DYSF: variants seen among roughly 807,000 people sequenced by gnomAD.
DYSF encodes dysferlin.
Under a neutral mutation model 274.9 loss-of-function variants are expected in DYSF, and 212 were observed. That is an observed-to-expected ratio of 0.77 (90% confidence interval 0.69 to 0.86). The LOEUF is 0.86. Among genes scored for constraint, DYSF ranks in the 40% least tolerant of loss-of-function variants. The pLI, the probability that DYSF is intolerant of heterozygous loss-of-function variation, is 0.00. For missense variants in DYSF, 2,666 were observed against 2,783.2 expected (o/e 0.96, Z 0.95); for synonymous variants, 1,091 against 1,078.7 (o/e 1.01, Z -0.22).
chr2:71,678,844 C>T (rs1022177707), intron 52 of DYSF, among the ~76,000 whole-genome samples: 1 of 151,938 alleles, frequency 6.6e-6, no homozygotes, highest in African/African-American at 2.4e-5. Context: ...TGCATATGAA[C>T]GCATGAGTAG....
intron 1 of DYSF, among the ~76,000 whole-genome samples, chr2:71,458,330 A>G (rs1459323562): frequency 6.6e-6 from 1 of 152,264 alleles, no homozygotes; most frequent in Non-Finnish European, 1.5e-5. Flanking sequence ...AAATAATTGT[A>G]CACATCCACA....
intron 45 of DYSF, among the ~76,000 whole-genome samples, 186 bp downstream of exon 45, chr2:71,660,837 C>T (rs1004616102): frequency 6.6e-6 from 1 of 152,138 alleles, no homozygotes; most frequent in Non-Finnish European, 1.5e-5. Flanking sequence ...AAGACTTGAT[C>T]CCAACAGAAG....
chr2:71,517,547 C>T (rs530936334), intron 10 of DYSF, among the ~76,000 whole-genome samples: 4 of 152,132 alleles, frequency 2.6e-5, no homozygotes, highest in South Asian at 2.1e-4. Context: ...ACCTGGTAAT[C>T]GGGGTGACCA....
chr2:71,508,393 G>A (rs184252371), intron 4 of DYSF, among the ~76,000 whole-genome samples: 2 of 152,256 alleles, frequency 1.3e-5, no homozygotes, highest in East Asian at 3.9e-4. Flanking sequence ...TTTTCCCAGT[G>A]TCCTTTGTAG....
intron 37 of DYSF, 41 bp from the exon 38 acceptor site, chr2:71,611,424 C>T (rs1257443045): frequency 1.2e-6 from 2 of 1,613,992 alleles, no homozygotes; most frequent in Non-Finnish European, 1.7e-6. Flanking sequence ...TTCCTGGGGC[C>T]CGGGGCCTTC....
chr2:71,458,709 G>A (rs1366321230), intron 1 of DYSF, among the ~76,000 whole-genome samples: 1 of 152,122 alleles, frequency 6.6e-6, no homozygotes, highest in Non-Finnish European at 1.5e-5. Context: ...CACTAGCATG[G>A]GATGTTAGCA....
intron 42 of DYSF, among the ~76,000 whole-genome samples, chr2:71,652,580 A>T (rs1249260491): frequency 6.6e-6 from 1 of 152,244 alleles, no homozygotes; most frequent in African/African-American, 2.4e-5. Flanking sequence ...GAATCAGATC[A>T]TGTTCCTGTA....
intron 1 of DYSF, among the ~76,000 whole-genome samples, chr2:71,461,675 G>A (rs566500719): frequency 6.6e-6 from 1 of 152,310 alleles, no homozygotes; most frequent in African/African-American, 2.4e-5. Context: ...GTGATGAGGC[G>A]ACTGACCAGC....
intron 42 of DYSF, among the ~76,000 whole-genome samples, chr2:71,650,851 G>T (rs1327869685): frequency 6.6e-6 from 1 of 152,092 alleles, no homozygotes; most frequent in Non-Finnish European, 1.5e-5. Flanking sequence ...CTACATATTA[G>T]AACTTACTGG....
chr2:71,590,198 TC>T lies in DYSF; in HGVS notation c.3497-10del. 6.2e-7 allele frequency: 1 copy of T among 1,614,054 alleles called. No homozygotes were observed. The highest frequency in any genetic ancestry group is 8.5e-7 in the Non-Finnish European group (1 of 1,179,988). Reference sequence around the variant, plus strand: ...CACTCACTCTGGCACCTCTGTTTTTTCCCTTGGTGAAGATGGGAACCGCTAC... The same window carrying T: ...CACTCACTCTGGCACCTCTGTTTTTTCCTTGGTGAAGATGGGAACCGCTAC... On this transcript the variant is annotated splice_polypyrimidine_tract_variant and intron_variant, in intron 31 of 55. Coordinates refer to ENST00000410020, the MANE Select transcript of DYSF (RefSeq NM_001130987.2).
At chr2:71,680,026 T>A (rs780350678) in intron 53 of DYSF, among the ~76,000 whole-genome samples, 1 of 152,232 alleles carries the variant, frequency 6.6e-6, no homozygotes, top group Non-Finnish European at 1.5e-5. Flanking sequence ...TTATGTACTG[T>A]GTTTATTCCC....
chr2:71,602,781 G>A lies in DYSF; in HGVS notation c.3933G>A (p.Gln1311=). The A allele has an allele frequency of 6.2e-7, 1 of 1,613,428 alleles. No individual in the cohort carries two copies. The highest frequency in any genetic ancestry group is 8.5e-7 in the Non-Finnish European group (1 of 1,179,910). Residue 1311 remains glutamine (Q), a synonymous_variant, in exon 36 of 56, where the codon CAG becomes CAA. Coordinates refer to ENST00000410020, the MANE Select transcript of DYSF (RefSeq NM_001130987.2). ...AIHHIPGFEV[Q]ETSRILDESE... is the part of the protein sequence containing the mutation. ...ATCCCATGGCTGTGGGCCAGGTGCA[G>A]GAGACATCAAGGATCCTGGATGAGG... is the stretch of plus-strand genomic sequence containing the variant.
chr2:71,615,390 A>G lies in DYSF; in HGVS notation c.4464+1980A>G, dbSNP rs557816555. Reference sequence around the variant, plus strand: ...GGACAGGGGAGGAGGAGGAAATGACACTGATTTGCTCTGATGGGGGAGGCT... The same window carrying G: ...GGACAGGGGAGGAGGAGGAAATGACGCTGATTTGCTCTGATGGGGGAGGCT... On this transcript the variant is annotated intron_variant, in intron 40 of 55. Coordinates refer to ENST00000410020, the MANE Select transcript of DYSF (RefSeq NM_001130987.2). This position sits in a 1 kb window ranked among gnomAD's most constrained non-coding sequence, Gnocchi z 4.9. 4.6e-5 allele frequency among the ~76,000 whole-genome samples: 7 copies of G among 152,044 alleles called. 1 individual carries two copies. In the South Asian group the frequency reaches 1.0e-3, roughly 23 times the overall value.
In DYSF at chr2:71,633,245, G is replaced by A. The variant is rs184351892; in HGVS notation, c.4528-10720G>A. On this transcript the variant is annotated intron_variant, in intron 41 of 55. Coordinates refer to ENST00000410020, the MANE Select transcript of DYSF (RefSeq NM_001130987.2). ...GATTTGGTATACACAGGGTGGAGTA[G>A]TTTTGAAGTCGGAGTATTTGCATGT... Among the ~76,000 whole-genome samples, 322 of 152,338 alleles carry A rather than the reference G, an allele frequency of 2.1e-3. 2 individuals carry two copies. Among genetic ancestry groups the A allele is most frequent in the African/African-American group, 7.1e-3 (296 of 41,582 alleles).
chr2:71,470,360 A>G (rs1405642258), intron 1 of DYSF, among the ~76,000 whole-genome samples: 3 of 152,182 alleles, frequency 2.0e-5, no homozygotes, highest in Admixed American at 6.5e-5. Context: ...CTGTTTACAT[A>G]TTACAAATGA....
At chr2:71,594,815 G>A (rs998883944) in intron 32 of DYSF, among the ~76,000 whole-genome samples, 38 of 152,158 alleles carry the variant, frequency 2.5e-4, no homozygotes, top group African/African-American at 8.9e-4. Context: ...GCCAGCAGGC[G>A]ACATCAGGTG....
At chr2:71,596,065 G>T (rs1178847283) in intron 32 of DYSF, among the ~76,000 whole-genome samples, 1 of 148,758 alleles carries the variant, frequency 6.7e-6, no homozygotes, top group Non-Finnish European at 1.5e-5. Context: ...CCTGCACACA[G>T]TAGCCCAGTG....
chr2:71,583,531 C>G (rs528831631), intron 30 of DYSF, among the ~76,000 whole-genome samples: 19 of 152,218 alleles, frequency 1.2e-4, no homozygotes, highest in Non-Finnish European at 2.9e-5. Flanking sequence ...CCCCAGGAAG[C>G]CTCACTGCTT....
At chr2:71,651,057 G>A (rs1206852301) in intron 42 of DYSF, among the ~76,000 whole-genome samples, 1 of 152,072 alleles carries the variant, frequency 6.6e-6, no homozygotes, top group Non-Finnish European at 1.5e-5. Flanking sequence ...AGTGAGCAGA[G>A]GCAATTTCAT....
Sources: gnomAD v4.1 joint callset for allele counts (sites outside exome capture counted in the v4.1 genomes callset) on GRCh38, gnomAD v4.1.1 for gene constraint, Gnocchi (gnomAD v3.1) non-coding constraint, MANE v1.5 for transcripts, NCBI Gene and HGNC (gene_info 2026-07-23, HGNC 2026-07-21) for gene names.